Variants in FBXW11 observed in about 807,000 individuals in gnomAD.
FBXW11 encodes the protein F-box/WD repeat-containing protein 11.
Under a neutral mutation model 77.6 loss-of-function variants are expected in FBXW11, and 19 were observed. That is an observed-to-expected ratio of 0.24 (90% CI 0.17 to 0.36). The LOEUF is 0.36. Among genes scored for constraint, FBXW11 ranks in the 10% least tolerant of loss-of-function variants. FBXW11 has a pLI of 1.00. For synonymous variants in FBXW11, 235 were observed against 249.4 expected (o/e 0.94, Z 0.54); for missense variants, 334 against 704.2 (o/e 0.47, Z 5.95).
intron 6 of FBXW11, among the ~76,000 whole-genome samples, chr5:171,895,913 C>CGGAA (rs1333891273): frequency 1.3e-5 from 2 of 152,206 alleles, no homozygotes; most frequent in East Asian, 3.8e-4. Flanking sequence ...AATTCCTTCT[C>CGGAA]AATTCAGAGG....
At chr5:171,941,568 C>A (rs1393927922) in intron 2 of FBXW11, among the ~76,000 whole-genome samples, 1 of 151,226 alleles carries the variant, frequency 6.6e-6, no homozygotes, top group Non-Finnish European at 1.5e-5. Context: ...CGTATTATGA[C>A]TATGTAGAAC....
chr5:171,899,348 T>C (rs1759959779), intron 5 of FBXW11, among the ~76,000 whole-genome samples: 1 of 152,166 alleles, frequency 6.6e-6, no homozygotes, highest in African/African-American at 2.4e-5. Context: ...CCATAGAGTT[T>C]AATAAAAAGC....
chr5:171,927,341 A>C (rs1157075596), intron 2 of FBXW11, among the ~76,000 whole-genome samples: 1 of 152,242 alleles, frequency 6.6e-6, no homozygotes, highest in Non-Finnish European at 1.5e-5. Flanking sequence ...AAGGAACTAG[A>C]TGTAGAAGAA....
intron 6 of FBXW11, among the ~76,000 whole-genome samples, chr5:171,894,788 G>A (rs1308666221): frequency 1.3e-5 from 2 of 151,180 alleles, no homozygotes; most frequent in Non-Finnish European, 2.9e-5. Flanking sequence ...CTTTGGCAAA[G>A]GACTCGCTGC....
Position 171,863,609 on chromosome 5 carries a change from TACA to T in FBXW11, c.*515_*517del, listed in dbSNP as rs1286985172. On this transcript the variant is annotated 3_prime_UTR_variant, in exon 14 of 14. Transcript: ENST00000517395. ...TTTCCACTGTCCAACATGTTCCTAA[TACA>T]ACAAGTCAGAATTCATAATGACTTG... 6.6e-6 allele frequency: 1 copy of T among 152,612 alleles called. No homozygotes were observed. Among genetic ancestry groups the T allele is most frequent in the Non-Finnish European group, 1.5e-5 (1 of 68,022 alleles). 9.5% of individuals were successfully genotyped at this position (152,612 alleles called of 1,614,324 possible).
intron 2 of FBXW11, chr5:171,916,585 A>G: frequency 4.7e-6 from 2 of 424,476 alleles, no homozygotes; most frequent in Non-Finnish European, 6.3e-6. Flanking sequence ...CTCTCCATGT[A>G]ATCTTTTCAT....
intron 1 of FBXW11, among the ~76,000 whole-genome samples, chr5:171,965,434 G>A (rs918436926): frequency 2.6e-5 from 4 of 151,776 alleles, no homozygotes; most frequent in Non-Finnish European, 4.4e-5. Context: ...GCTGAGGCAC[G>A]AGAATTGCTT....
intron 6 of FBXW11, among the ~76,000 whole-genome samples, chr5:171,897,773 C>CA (rs1759844735): frequency 6.7e-6 from 1 of 148,546 alleles, no homozygotes; most frequent in East Asian, 2.0e-4. Flanking sequence ...AAAAAAAAAA[C>CA]AGAGGGTAAT....
chr5:171,979,724 G>A (rs532055560), intron 1 of FBXW11, among the ~76,000 whole-genome samples: 25 of 152,246 alleles, frequency 1.6e-4, no homozygotes, highest in South Asian at 8.3e-4. Context: ...CCCTGGTGCC[G>A]TAAAGAAATG....
In FBXW11 at chr5:171,957,769, G is replaced by A. The variant is rs1484218859; in HGVS notation, c.46-71C>T. On this transcript the variant is annotated intron_variant, in intron 1 of 13. Transcript: ENST00000517395. ...CGCAACAAATCACTCCTTCACACAG[G>A]CAACTTGAATGTTAGTTGGGGCAGG... 2.3e-6 allele frequency: 3 copies of A among 1,317,156 alleles called. No homozygotes were observed. In the African/African-American group the frequency reaches 4.3e-5, roughly 19 times the overall value. The allele number at this position is 1,317,156 out of a possible 1,614,324, so 81.6% of individuals were successfully genotyped here.
intron 7 of FBXW11, among the ~76,000 whole-genome samples, chr5:171,885,319 G>A (rs1758806184): frequency 6.6e-6 from 1 of 152,188 alleles, no homozygotes; most frequent in African/African-American, 2.4e-5. Flanking sequence ...AAAGTGTGGT[G>A]GGGAGCCTGA....
chr5:171,878,934 C>G (rs1758322863), intron 7 of FBXW11, among the ~76,000 whole-genome samples: 1 of 151,994 alleles, frequency 6.6e-6, no homozygotes, highest in Admixed American at 6.6e-5. Context: ...ATGAAATGTC[C>G]AGCATTTCAT....
rs765248373 is a variant in FBXW11 at position 171,948,234 on chromosome 5, C to CAA, written c.147+9361_147+9362dup. Among the ~76,000 whole-genome samples the CAA allele has an allele frequency of 5.0e-4, 22 of 44,286 alleles. 1 individual carries two copies. Among genetic ancestry groups the CAA allele is most frequent in the East Asian group, 4.1e-3 (6 of 1,466 alleles). 29.1% of individuals were successfully genotyped at this position (44,286 alleles called of 152,430 possible). ...TGGGCGACAGAGTGAGACTCCAACT[C>CAA]AAAAAAAAAAAAAAAAAAAACTGGG... On this transcript the variant is annotated intron_variant, in intron 2 of 13. Coordinates refer to ENST00000517395, the MANE Select transcript of FBXW11 (RefSeq NM_001378974.1).
At chr5:171,905,941 T>C (rs1477441624) in intron 4 of FBXW11, among the ~76,000 whole-genome samples, 1 of 152,142 alleles carries the variant, frequency 6.6e-6, no homozygotes, top group Non-Finnish European at 1.5e-5. Context: ...ATTGAGGCCA[T>C]AATACTTCGC....
At chr5:171,939,651 C>T (rs544732482) in intron 2 of FBXW11, among the ~76,000 whole-genome samples, 226 of 139,524 alleles carry the variant, frequency 1.6e-3, no homozygotes, top group African/African-American at 5.8e-3. Flanking sequence ...GAGCTGAGAT[C>T]GTGCCACCGC....
rs1331855492 is a variant in FBXW11 at position 171,869,352 on chromosome 5, TATAAATG to T, written c.1530+370_1530+376del. ...ATCTCTTCAAAAATATAACAGTACT[TATAAATG>T]GTATAAAAATTTATATATAGTATAA... On this transcript the variant is annotated intron_variant, in intron 12 of 13. Coordinates refer to ENST00000517395, the MANE Select transcript of FBXW11 (RefSeq NM_001378974.1). This position sits in a 1 kb window ranked among gnomAD's most constrained non-coding sequence, Gnocchi z 4.1. 3.2e-4 allele frequency among the ~76,000 whole-genome samples: 49 copies of T among 152,324 alleles called. No individual in the cohort carries two copies. The highest frequency in any genetic ancestry group is 1.1e-3 in the African/African-American group (46 of 41,580).
intron 7 of FBXW11, among the ~76,000 whole-genome samples, chr5:171,878,600 G>GAC (rs1758286293): frequency 1.7e-5 from 2 of 115,616 alleles, no homozygotes; most frequent in South Asian, 3.4e-4. Flanking sequence ...GTAAGAGAGA[G>GAC]AGAGTGTGTG....
chr5:172,004,068 C>T (rs960013349), intron 1 of FBXW11, among the ~76,000 whole-genome samples: 1 of 152,070 alleles, frequency 6.6e-6, no homozygotes, highest in Non-Finnish European at 1.5e-5. Flanking sequence ...TATCTTGAAA[C>T]CAATGTAAAA....
intron 7 of FBXW11, among the ~76,000 whole-genome samples, chr5:171,878,603 A>AGT (rs34099380): frequency 0.021 from 2,745 of 128,358 alleles, 41 homozygotes; most frequent in South Asian, 0.036. Flanking sequence ...AGAGAGAGAG[A>AGT]GTGTGTGTGT....
Sources: allele counts gnomAD v4.1 joint callset (sites outside exome capture counted in the v4.1 genomes callset), GRCh38; gene constraint gnomAD v4.1.1; non-coding constraint Gnocchi (gnomAD v3.1); transcripts MANE v1.5; gene names NCBI Gene and HGNC (gene_info 2026-07-23, HGNC 2026-07-21).